The following PBX3 variants were observed in gnomAD, a reference collection of about 807,000 sequenced individuals.
The protein encoded by PBX3 is pre-B-cell leukemia transcription factor 3.
A neutral mutation model predicts 48.5 loss-of-function variants in PBX3; 14 were observed. The observed-to-expected ratio is 0.29, with a 90% CI of 0.19 to 0.45. The LOEUF is 0.45. Ranked by LOEUF, PBX3 falls within the 20% of genes least tolerant of loss-of-function variation. The probability of loss-of-function intolerance (pLI) is 1.00; values close to 1 mark genes in which losing one functional copy is unlikely to be tolerated. For missense variants in PBX3, 386 were observed against 546.7 expected, an observed-to-expected ratio of 0.71 and a Z score of 2.93; for synonymous variants, 210 against 200.3, an observed-to-expected ratio of 1.05 and a Z score of -0.41.
intron 2 of PBX3, among the ~76,000 whole-genome samples, chr9:125,823,811 C>T (rs1333233524): frequency 6.6e-6 from 1 of 152,090 alleles, no homozygotes; most frequent in Non-Finnish European, 1.5e-5. Context: ...CGCGGTGGCT[C>T]ATGTCTGTAA....
intron 5 of PBX3, among the ~76,000 whole-genome samples, chr9:125,943,352 C>CAAAAAAAAAAAAAAAAAA (rs60326557): frequency 9.9e-5 from 6 of 60,880 alleles, no homozygotes; most frequent in East Asian, 5.0e-4. Flanking sequence ...GAGACTGTCT[C>CAAAAAAAAAAAAAAAAAA]AAAAAAAAAA....
chr9:125,906,231 G>C (rs1281995293), intron 2 of PBX3, among the ~76,000 whole-genome samples: 1 of 151,914 alleles, frequency 6.6e-6, no homozygotes. Flanking sequence ...CTGAGTCTGT[G>C]TCCTTTATAA....
intron 2 of PBX3, among the ~76,000 whole-genome samples, chr9:125,839,460 G>A (rs1240961901): frequency 6.6e-6 from 1 of 152,156 alleles, no homozygotes; most frequent in Non-Finnish European, 1.5e-5. Flanking sequence ...CAAAGAAAGA[G>A]GAAGGAAACA....
intron 5 of PBX3, among the ~76,000 whole-genome samples, chr9:125,943,396 A>AAAAAAAAAAAAAAAG (rs1842003076): frequency 7.7e-6 from 1 of 130,522 alleles, no homozygotes; most frequent in African/African-American, 3.0e-5. Context: ...AAAAAAAAAA[A>AAAAAAAAAAAAAAAG]AAAGAAAGGA....
chr9:125,956,501 A>G (rs1440907676), intron 5 of PBX3, among the ~76,000 whole-genome samples: 4 of 152,216 alleles, frequency 2.6e-5, no homozygotes, highest in Admixed American at 2.6e-4. Flanking sequence ...ACACGGTTGT[A>G]GTGTATGCGA....
chr9:125,752,434 T>TTAGA (rs1836400835), intron 2 of PBX3, among the ~76,000 whole-genome samples: 1 of 152,184 alleles, frequency 6.6e-6, no homozygotes, highest in South Asian at 2.1e-4. Context: ...CATAAGAATT[T>TTAGA]TAGATATTAA....
At chr9:125,905,560 T>C (rs1352400290) in intron 2 of PBX3, among the ~76,000 whole-genome samples, 2 of 152,072 alleles carry the variant, frequency 1.3e-5, no homozygotes, top group East Asian at 3.9e-4. Flanking sequence ...CTTTTTTCTT[T>C]TGATTTCTTT....
chr9:125,905,540 AT>A (rs901001750), intron 2 of PBX3, among the ~76,000 whole-genome samples: 6 of 150,732 alleles, frequency 4.0e-5, no homozygotes, highest in African/African-American at 7.3e-5. Context: ...ATGTCTTTGG[AT>A]TTTTTTTTCT....
intron 2 of PBX3, among the ~76,000 whole-genome samples, chr9:125,790,164 A>G (rs979645290): frequency 2.0e-5 from 3 of 152,238 alleles, no homozygotes; most frequent in Admixed American, 1.3e-4. Flanking sequence ...CTCTTAGTCA[A>G]CTGTGTATGA....
rs570234917 is a variant in PBX3 at position 125,839,360 on chromosome 9, A to G, written c.275-76326A>G. Among the ~76,000 whole-genome samples, 74 of 152,348 alleles carry G rather than the reference A, an allele frequency of 4.9e-4. 1 individual carries two copies. Among genetic ancestry groups the G allele is most frequent in the Non-Finnish European group, 4.3e-4 (29 of 68,026 alleles). On this transcript the variant is annotated intron_variant, in intron 2 of 8. Transcript: ENST00000373489. ...CATGGTGATGAATAAAGAGGACTAT[A>G]CTCAGATTCAGAAGATCTCTCACTT...
chr9:125,817,657 T>G (rs1838506129), intron 2 of PBX3, among the ~76,000 whole-genome samples: 1 of 152,260 alleles, frequency 6.6e-6, no homozygotes, highest in Admixed American at 6.5e-5. Context: ...TCATAGAATG[T>G]AATTTAATGA....
At chr9:125,926,198 G>A (rs1588303003) in intron 3 of PBX3, among the ~76,000 whole-genome samples, 1 of 152,312 alleles carries the variant, frequency 6.6e-6, no homozygotes, top group South Asian at 2.1e-4. Context: ...GTGACCACTT[G>A]TTTTTAATTT....
intron 2 of PBX3, among the ~76,000 whole-genome samples, chr9:125,894,401 A>G (rs1413547300): frequency 6.6e-6 from 1 of 152,164 alleles, no homozygotes; most frequent in Non-Finnish European, 1.5e-5. Flanking sequence ...ACCTTTTAAA[A>G]TAAATCCATT....
intron 2 of PBX3, among the ~76,000 whole-genome samples, chr9:125,800,746 A>G (rs1837916574): frequency 6.8e-6 from 1 of 148,040 alleles, no homozygotes; most frequent in South Asian, 2.1e-4. Context: ...AGCGCTTGGA[A>G]TTAATTTTTT....
intron 2 of PBX3, chr9:125,865,127 C>T (rs1839949881): frequency 1.2e-5 from 2 of 160,760 alleles, no homozygotes; most frequent in Non-Finnish European, 1.5e-5. Context: ...TTTAAATCTA[C>T]ACTTTCTAGA....
At chr9:125,789,530 A>T (rs1057091410) in intron 2 of PBX3, among the ~76,000 whole-genome samples, 1 of 152,200 alleles carries the variant, frequency 6.6e-6, no homozygotes, top group Non-Finnish European at 1.5e-5. Context: ...ACAGCATGGC[A>T]GCTGGCTTCC....
intron 2 of PBX3, among the ~76,000 whole-genome samples, chr9:125,800,633 GT>G (rs1005830443): frequency 8.0e-4 from 118 of 147,206 alleles, no homozygotes; most frequent in African/African-American, 2.8e-3. Flanking sequence ...TCCAGGAGAA[GT>G]TTTTTTTTTA....
At chr9:125,892,190 T>C (rs1439735129) in intron 2 of PBX3, among the ~76,000 whole-genome samples, 1 of 152,208 alleles carries the variant, frequency 6.6e-6, no homozygotes, top group African/African-American at 2.4e-5. Flanking sequence ...CCCAAAGTGC[T>C]GGGATTAGAG....
intron 2 of PBX3, among the ~76,000 whole-genome samples, chr9:125,808,708 T>C (rs1322156415): frequency 6.6e-6 from 1 of 152,076 alleles, no homozygotes; most frequent in Non-Finnish European, 1.5e-5. Context: ...ACTAATTCAG[T>C]GTTTACAATG....
Sources: gnomAD v4.1 joint callset for allele counts (sites outside exome capture counted in the v4.1 genomes callset) on GRCh38, gnomAD v4.1.1 for gene constraint, MANE v1.5 for transcripts, NCBI Gene and HGNC (gene_info 2026-07-23, HGNC 2026-07-21) for gene names.